HSD17B12: variants seen among roughly 807,000 people sequenced by gnomAD.
The protein encoded by HSD17B12 is very-long-chain 3-oxoacyl-CoA reductase.
A neutral mutation model predicts 39.3 loss-of-function variants in HSD17B12; 32 were observed. That is an observed-to-expected ratio of 0.81 (90% CI 0.61 to 1.09). The LOEUF (loss-of-function observed/expected upper bound fraction) is 1.09. Ranked by LOEUF, HSD17B12 falls within the 50% of genes least tolerant of loss-of-function variation. HSD17B12 has a pLI of 0.00. For synonymous variants in HSD17B12, 150 were observed against 146.7 expected, an observed-to-expected ratio of 1.02 and a Z score of -0.16; for missense variants, 342 against 382.9, an observed-to-expected ratio of 0.89 and a Z score of 0.89.
chr11:43,714,675 C>T (rs186655164), intron 1 of HSD17B12, among the ~76,000 whole-genome samples: 2 of 152,154 alleles, frequency 1.3e-5, no homozygotes, highest in Non-Finnish European at 2.9e-5. Flanking sequence ...TCATTGGTAG[C>T]TTGATGGGGA....
intron 7 of HSD17B12, among the ~76,000 whole-genome samples, chr11:43,834,524 G>A (rs914520529): frequency 4.6e-5 from 7 of 152,172 alleles, no homozygotes; most frequent in African/African-American, 1.4e-4. Context: ...TCTAAGGAAG[G>A]TAGAAAACAG....
the HSD17B12 span, among the ~76,000 whole-genome samples, chr11:43,613,137 C>T: frequency 1.3e-5 from 2 of 152,172 alleles, no homozygotes; most frequent in African/African-American, 4.8e-5. Flanking sequence ...GGCACAGTGG[C>T]TCACACCTGT....
chr11:43,844,981 GTTGT>G (rs71308376), intron 9 of HSD17B12, among the ~76,000 whole-genome samples: 5,438 of 151,236 alleles, frequency 0.036, 335 homozygotes, highest in African/African-American at 0.12. Context: ...AAAATAAGGG[GTTGT>G]TTGTTTGTTT....
intron 3 of HSD17B12, among the ~76,000 whole-genome samples, chr11:43,780,074 C>T (rs982111952): frequency 2.6e-5 from 4 of 152,222 alleles, no homozygotes; most frequent in South Asian, 2.1e-4. Flanking sequence ...TCTGCTCCCT[C>T]TCATCCCCCA....
chr11:43,768,210 C>G (rs1031679978), intron 3 of HSD17B12, among the ~76,000 whole-genome samples: 37 of 152,172 alleles, frequency 2.4e-4, no homozygotes, highest in African/African-American at 8.9e-4. Context: ...AACGTAATGT[C>G]AGAATTACAT....
At chr11:43,560,290 G>A in the HSD17B12 span, among the ~76,000 whole-genome samples, 6 of 152,236 alleles carry the variant, frequency 3.9e-5, no homozygotes, top group East Asian at 1.9e-4. Flanking sequence ...TGATACAAGC[G>A]CTTTGTACCA....
intron 1 of HSD17B12, among the ~76,000 whole-genome samples, chr11:43,706,778 C>G (rs1590677750): frequency 6.6e-6 from 1 of 150,842 alleles, no homozygotes; most frequent in African/African-American, 2.4e-5. Flanking sequence ...GAGAAATACT[C>G]ATTGGGTCTT....
At chr11:43,819,964 G>T in intron 6 of HSD17B12, among the ~76,000 whole-genome samples, 1 of 152,236 alleles carries the variant, frequency 6.6e-6, no homozygotes, top group African/African-American at 2.4e-5. Flanking sequence ...TCAACATGTG[G>T]AATCAATGGA....
At chr11:43,792,030 C>G (rs1248668647) in intron 3 of HSD17B12, among the ~76,000 whole-genome samples, 2 of 152,080 alleles carry the variant, frequency 1.3e-5, no homozygotes, top group African/African-American at 4.8e-5. Flanking sequence ...TTAAATGGGC[C>G]TTTATAAATG....
the HSD17B12 span, among the ~76,000 whole-genome samples, chr11:43,652,718 G>A: frequency 6.6e-6 from 1 of 152,070 alleles, no homozygotes; most frequent in Non-Finnish European, 1.5e-5. Context: ...ATGGAGGAAG[G>A]GGTGAAGAGC....
intron 1 of HSD17B12, among the ~76,000 whole-genome samples, chr11:43,699,721 T>C (rs1354067893): frequency 6.6e-6 from 1 of 152,202 alleles, no homozygotes; most frequent in Non-Finnish European, 1.5e-5. Flanking sequence ...ATTTGAAAGG[T>C]GATCCCAAGA....
chr11:43,658,654 T>C, the HSD17B12 span, among the ~76,000 whole-genome samples: 3 of 152,206 alleles, frequency 2.0e-5, no homozygotes, highest in Non-Finnish European at 4.4e-5. Context: ...TTACTGGAGG[T>C]CCACCCCAGA....
chr11:43,575,370 C>T, the HSD17B12 span, among the ~76,000 whole-genome samples: 1 of 152,208 alleles, frequency 6.6e-6, no homozygotes, highest in Admixed American at 6.5e-5. This position sits in a 1 kb window ranked among gnomAD's most constrained non-coding sequence, Gnocchi z 4.1. Context: ...GCTATCTGCC[C>T]GACAAACACA....
intron 3 of HSD17B12, among the ~76,000 whole-genome samples, chr11:43,784,226 C>T (rs967033508): frequency 1.3e-5 from 2 of 151,806 alleles, no homozygotes; most frequent in African/African-American, 2.4e-5. Flanking sequence ...GCTAACAGAA[C>T]AGAAAGTTTT....
chr11:43,628,206 G>A, the HSD17B12 span, among the ~76,000 whole-genome samples: 1 of 151,734 alleles, frequency 6.6e-6, no homozygotes, highest in Non-Finnish European at 1.5e-5. Flanking sequence ...TATCAACTAT[G>A]TCACTTTTGC....
At chr11:43,718,782 A>T in intron 1 of HSD17B12, 1 of 1,095,562 alleles carries the variant, frequency 9.1e-7, no homozygotes, top group Non-Finnish European at 1.4e-6. Context: ...CACAGCCACA[A>T]AAAAAAGAAG....
intron 4 of HSD17B12, among the ~76,000 whole-genome samples, chr11:43,804,031 G>A (rs1180205478): frequency 6.6e-6 from 1 of 152,134 alleles, no homozygotes; most frequent in African/African-American, 2.4e-5. Context: ...AATTTACCAA[G>A]GCCAAAAGAG....
chr11:43,688,911 A>C (rs899418121), intron 1 of HSD17B12, among the ~76,000 whole-genome samples: 4 of 152,228 alleles, frequency 2.6e-5, no homozygotes, highest in African/African-American at 9.7e-5. Context: ...ATTTTTATGA[A>C]TATTAAGTAA....
chr11:43,604,731 C>G, the HSD17B12 span, among the ~76,000 whole-genome samples: 3 of 152,124 alleles, frequency 2.0e-5, no homozygotes, highest in East Asian at 5.8e-4. Context: ...AGAACTTGAA[C>G]TTGCTGTTTT....
Sources: gnomAD v4.1 joint callset for allele counts (sites outside exome capture counted in the v4.1 genomes callset) on GRCh38, gnomAD v4.1.1 for gene constraint, Gnocchi (gnomAD v3.1) non-coding constraint, MANE v1.5 for transcripts, NCBI Gene and HGNC (gene_info 2026-07-23, HGNC 2026-07-21) for gene names.